Variants in ZNF131 observed in about 807,000 individuals in gnomAD.
The protein encoded by ZNF131 is zinc finger protein 131.
Under a neutral mutation model 60.0 loss-of-function variants are expected in ZNF131, and 7 were observed. The observed-to-expected ratio is 0.12, with a 90% confidence interval of 0.07 to 0.22. The LOEUF (loss-of-function observed/expected upper bound fraction) is 0.22, where lower values mean the gene tolerates loss of function less well. ZNF131 is among the 10% of genes least tolerant of loss of function. The pLI, the probability that ZNF131 is intolerant of heterozygous loss-of-function variation, is 1.00. For synonymous variants in ZNF131, 257 were observed against 253.2 expected, an observed-to-expected ratio of 1.01 and a Z score of -0.14; for missense variants, 493 against 740.9, an observed-to-expected ratio of 0.67 and a Z score of 3.88.
chr5:43,144,381 A>G (rs1281517608), intron 4 of ZNF131, among the ~76,000 whole-genome samples: 1 of 148,976 alleles, frequency 6.7e-6, no homozygotes, highest in Non-Finnish European at 1.5e-5. Context: ...GGCGCTCACC[A>G]CCACGCCCAA....
chr5:43,172,378 T>C (rs1469007845), intron 5 of ZNF131, among the ~76,000 whole-genome samples: 1 of 152,174 alleles, frequency 6.6e-6, no homozygotes, highest in African/African-American at 2.4e-5. Flanking sequence ...CCCAGCACTT[T>C]GGGAGGCCAA....
Position 43,153,491 on chromosome 5 carries a change from C to G in ZNF131, c.372-7758C>G, listed in dbSNP as rs371059752. Reference sequence around the variant, plus strand: ...AAAAAAAAAAAAAAAAAAAAAAAAGCAAAATTAGCTGGGCCTGGTGGCACA... The same window carrying G: ...AAAAAAAAAAAAAAAAAAAAAAAAGGAAAATTAGCTGGGCCTGGTGGCACA... On this transcript the variant is annotated intron_variant, in intron 4 of 6. Transcript: ENST00000682664. 2.0e-3 allele frequency among the ~76,000 whole-genome samples: 171 copies of G among 86,826 alleles called. 3 individuals are homozygous for G. The highest frequency in any genetic ancestry group is 7.1e-3 in the African/African-American group (158 of 22,330). 57.0% of individuals were successfully genotyped at this position (86,826 alleles called of 152,430 possible). A position where few individuals can be genotyped will look rare whatever the true frequency, so the allele number is the denominator to read the frequency against.
chr5:43,173,490 T>C, intron 6 of ZNF131, 42 bp downstream of exon 6: 1 of 1,588,662 alleles, frequency 6.3e-7, no homozygotes, highest in Non-Finnish European at 8.6e-7. Flanking sequence ...CAAAGGAGTC[T>C]TGTGTTTGCA....
At chr5:43,162,604 AAG>A (rs1215371653) in intron 5 of ZNF131, among the ~76,000 whole-genome samples, 3 of 111,890 alleles carry the variant, frequency 2.7e-5, no homozygotes, top group African/African-American at 8.9e-5. Context: ...AAAAAAAAAA[AAG>A]AAAAGAAAAA....
At chr5:43,158,713 C>T (rs74621664) in intron 4 of ZNF131, among the ~76,000 whole-genome samples, 33 of 152,314 alleles carry the variant, frequency 2.2e-4, no homozygotes, top group African/African-American at 7.2e-4. Flanking sequence ...TAATAATAGG[C>T]AGTAAAGTAG....
chr5:43,124,064 G>GCATAGAC (rs957737567), intron 3 of ZNF131: 4 of 151,876 alleles, frequency 2.6e-5, no homozygotes, highest in African/African-American at 9.7e-5. Flanking sequence ...TTCGAGGCCA[G>GCATAGAC]CCTGGGGCAA....
chr5:43,133,152 A>G (rs934638091), intron 3 of ZNF131, among the ~76,000 whole-genome samples: 5 of 152,328 alleles, frequency 3.3e-5, no homozygotes, highest in East Asian at 1.9e-4. Flanking sequence ...AAAAGTATCA[A>G]TGATAAATGC....
chr5:43,129,272 A>G (rs979887320), intron 3 of ZNF131, among the ~76,000 whole-genome samples: 13 of 152,014 alleles, frequency 8.6e-5, no homozygotes, highest in African/African-American at 2.9e-4. Context: ...AGATCTCACT[A>G]CTTTGCCCAT....
Position 43,155,195 on chromosome 5 carries a change from C to T in ZNF131, c.372-6054C>T, listed in dbSNP as rs928191385. Reference sequence around the variant, plus strand: ...TACTTTTTCATGATGGCTGAGGGGGCCCACTACTTTCTTAAGTATACCATT... The same window carrying T: ...TACTTTTTCATGATGGCTGAGGGGGTCCACTACTTTCTTAAGTATACCATT... On this transcript the variant is annotated intron_variant, in intron 4 of 6. Transcript: ENST00000682664. 2.6e-5 allele frequency among the ~76,000 whole-genome samples: 4 copies of T among 152,218 alleles called. No individual in the cohort carries two copies. In the South Asian group the frequency reaches 6.2e-4, roughly 24 times the overall value.
intron 4 of ZNF131, among the ~76,000 whole-genome samples, chr5:43,147,116 T>C (rs1460881607): frequency 9.9e-5 from 15 of 152,174 alleles, no homozygotes; most frequent in Admixed American, 9.8e-4. Flanking sequence ...CTTAGCATTG[T>C]GTTTTAGAGA....
chr5:43,130,686 T>C (rs1561392020), intron 3 of ZNF131, among the ~76,000 whole-genome samples: 1 of 152,034 alleles, frequency 6.6e-6, no homozygotes, highest in Non-Finnish European at 1.5e-5. Context: ...TGCCTCAGCC[T>C]CTCGAGTAGC....
chr5:43,143,148 G>A (rs1316453874), intron 4 of ZNF131, among the ~76,000 whole-genome samples: 1 of 150,632 alleles, frequency 6.6e-6, no homozygotes, highest in African/African-American at 2.4e-5. Flanking sequence ...TCAATCTCCC[G>A]AGTAGCTGGG....
At chr5:43,143,911 T>G (rs969351345) in intron 4 of ZNF131, among the ~76,000 whole-genome samples, 12 of 105,726 alleles carry the variant, frequency 1.1e-4, no homozygotes, top group African/African-American at 4.0e-4. Flanking sequence ...TTTTTTTTTT[T>G]TTTTTTTTTT....
At chr5:43,167,224 AAAATTT>A (rs1298343242) in intron 5 of ZNF131, among the ~76,000 whole-genome samples, 3 of 152,210 alleles carry the variant, frequency 2.0e-5, no homozygotes, top group East Asian at 1.9e-4. Flanking sequence ...ACATAATTTA[AAAATTT>A]AAATTTAAAT....
chr5:43,159,445 G>A (rs1314604488), intron 4 of ZNF131, among the ~76,000 whole-genome samples: 7 of 152,034 alleles, frequency 4.6e-5, no homozygotes, highest in Non-Finnish European at 8.8e-5. Context: ...GGTAATTCCA[G>A]CACTTTGGGA....
chr5:43,171,410 T>C (rs540594745), intron 5 of ZNF131, among the ~76,000 whole-genome samples: 2 of 152,282 alleles, frequency 1.3e-5, no homozygotes, highest in African/African-American at 4.8e-5. Flanking sequence ...TGGATGTCCC[T>C]CCTGGCTTAA....
At chr5:43,144,027 A>G (rs868286259) in intron 4 of ZNF131, among the ~76,000 whole-genome samples, 1 of 141,548 alleles carries the variant, frequency 7.1e-6, no homozygotes, top group African/African-American at 2.6e-5. Context: ...GGTTCACGCT[A>G]TTCTCCTGCC....
At chr5:43,166,527 A>C (rs1357458881) in intron 5 of ZNF131, among the ~76,000 whole-genome samples, 1 of 150,732 alleles carries the variant, frequency 6.6e-6, no homozygotes, top group Non-Finnish European at 1.5e-5. Context: ...TGCCTGGCTA[A>C]TTTTTTGTAT....
rs1315645004 is a variant in ZNF131 at position 43,175,484 on chromosome 5, A to G, written c.*351A>G. On this transcript the variant is annotated 3_prime_UTR_variant, in exon 7 of 7. Transcript: ENST00000682664. ...ATGTTCTTCCTCAAATTTTTTCCAT[A>G]TTGTAAAATCAAACTTAAATCATTA... is the stretch of plus-strand genomic sequence containing the variant. The G allele has an allele frequency of 1.4e-6, 1 of 698,936 alleles. No individual in the cohort carries two copies. Among genetic ancestry groups the G allele is most frequent in the Admixed American group, 2.0e-5 (1 of 49,094 alleles). The allele number at this position is 698,936 out of a possible 1,614,324, so 43.3% of individuals were successfully genotyped here.
Sources: allele counts gnomAD v4.1 joint callset (sites outside exome capture counted in the v4.1 genomes callset), GRCh38; gene constraint gnomAD v4.1.1; transcripts MANE v1.5; gene names NCBI Gene and HGNC (gene_info 2026-07-23, HGNC 2026-07-21).